Variants in CDK7 observed in about 807,000 individuals in gnomAD.
The protein encoded by CDK7 is cyclin dependent kinase 7, also known as cyclin-dependent kinase 7.
Under a neutral mutation model 49.1 loss-of-function variants are expected in CDK7, and 25 were observed. The observed-to-expected ratio is 0.51, with a 90% confidence interval of 0.37 to 0.71. The LOEUF (loss-of-function observed/expected upper bound fraction) is 0.71. CDK7 is among the 30% of genes least tolerant of loss of function. The pLI, the probability that CDK7 is intolerant of heterozygous loss-of-function variation, is 0.00. For synonymous variants in CDK7, 107 were observed against 140.0 expected (o/e 0.76, Z 1.67); for missense variants, 316 against 411.7 (o/e 0.77, Z 2.01).
intron 10 of CDK7, among the ~76,000 whole-genome samples, chr5:69,275,121 A>G (rs1441843070): frequency 6.6e-6 from 1 of 151,986 alleles, no homozygotes; most frequent in Admixed American, 6.6e-5. Flanking sequence ...GGATATAATT[A>G]TTTTTATCAG....
At chr5:69,240,475 T>C (rs755594542) in intron 2 of CDK7, among the ~76,000 whole-genome samples, 3 of 152,194 alleles carry the variant, frequency 2.0e-5, no homozygotes, top group Non-Finnish European at 2.9e-5. Flanking sequence ...TTTTAAAATA[T>C]TTTAGGCAAC....
chr5:69,272,992 T>C lies in CDK7; in HGVS notation c.815T>C (p.Ile272Thr), dbSNP rs1417648527. The change falls in exon 10 of 12, where the codon ATA becomes ACA. Residue 272 changes from isoleucine to threonine, a missense_variant. Transcript: ENST00000256443. ...GCAGGAGACGACTTACTAGATCTCA[T>C]ACAAGGCTTATTCTTATTTAATCCA... The part of the protein sequence containing the change: ...SAAGDDLLDL[I>T]QGLFLFNPCA... 1.3e-6 allele frequency: 2 copies of C among 1,596,562 alleles called. No homozygotes were observed. The highest frequency in any genetic ancestry group is 1.4e-5 in the African/African-American group (1 of 73,846).
intron 3 of CDK7, among the ~76,000 whole-genome samples, chr5:69,254,257 CTCACGCCTGTAA>C (rs1750334904): frequency 6.6e-6 from 1 of 152,116 alleles, no homozygotes; most frequent in Non-Finnish European, 1.5e-5. Context: ...GGTGTGGTGG[CTCACGCCTGTAA>C]TCCCAGCACT....
chr5:69,260,427 A>G (rs1228139045), intron 7 of CDK7, among the ~76,000 whole-genome samples: 3 of 152,224 alleles, frequency 2.0e-5, no homozygotes, highest in Admixed American at 1.3e-4. Flanking sequence ...GAAAAAATAC[A>G]TAGCCCCTTT....
intron 6 of CDK7, among the ~76,000 whole-genome samples, chr5:69,259,075 CAAA>C (rs1281310184): frequency 1.8e-5 from 2 of 113,314 alleles, no homozygotes; most frequent in Non-Finnish European, 3.8e-5. Context: ...AACCCTGTCT[CAAA>C]AAAAAAAAAA....
chr5:69,267,291 CCTTT>C (rs1751221241), intron 8 of CDK7, among the ~76,000 whole-genome samples: 2 of 115,462 alleles, frequency 1.7e-5, no homozygotes, highest in Admixed American at 1.1e-4. Flanking sequence ...TATAAGGATT[CCTTT>C]TTTTTTTTTT....
intron 10 of CDK7, among the ~76,000 whole-genome samples, chr5:69,274,766 C>A (rs1214735917): frequency 6.6e-6 from 1 of 152,106 alleles, no homozygotes; most frequent in Non-Finnish European, 1.5e-5. Flanking sequence ...CAGGTGCACA[C>A]CACCATGCCT....
intron 8 of CDK7, among the ~76,000 whole-genome samples, chr5:69,264,966 C>T (rs1580327596): frequency 2.8e-5 from 4 of 142,828 alleles, no homozygotes; most frequent in Admixed American, 1.4e-4. Context: ...TGTGAAATTC[C>T]GTCTAAAAAA....
intron 2 of CDK7, among the ~76,000 whole-genome samples, chr5:69,249,174 G>C (rs1367681945): frequency 6.7e-6 from 1 of 149,066 alleles, no homozygotes; most frequent in African/African-American, 2.5e-5. Context: ...TTTTTCTTTT[G>C]TCTCCTCTGT....
intron 8 of CDK7, 59 bp from the exon 9 acceptor site, chr5:69,269,148 A>C: frequency 3.5e-6 from 4 of 1,129,042 alleles, no homozygotes; most frequent in Non-Finnish European, 5.1e-6. Flanking sequence ...CTCTAAAAAA[A>C]GAAAAAAATT....
At chr5:69,277,035 A>C in intron 11 of CDK7, 72 bp from the exon 12 acceptor site, 2 of 1,333,924 alleles carry the variant, frequency 1.5e-6, no homozygotes, top group Non-Finnish European at 2.1e-6. Flanking sequence ...TGACTGGTTA[A>C]AATTGCTATG....
intron 9 of CDK7, 37 bp downstream of exon 9, chr5:69,269,330 G>A: frequency 6.9e-7 from 1 of 1,446,346 alleles, no homozygotes; most frequent in Non-Finnish European, 9.6e-7. Flanking sequence ...ATGTAATTAG[G>A]ACTCTGTAAA....
upstream of CDK7, chr5:69,234,801 C>G: frequency 4.7e-6 from 3 of 640,608 alleles, no homozygotes; most frequent in South Asian, 3.9e-5. Flanking sequence ...GTGGGGAACG[C>G]CAACCGCCTG....
At chr5:69,248,802 C>CTT (rs70992911) in intron 2 of CDK7, among the ~76,000 whole-genome samples, 22,660 of 92,204 alleles carry the variant, frequency 0.25, 3,413 homozygotes, top group South Asian at 0.33. Context: ...TTTTTTTTTT[C>CTT]TTTTTTTTTT....
chr5:69,238,898 A>G (rs1380324364), intron 2 of CDK7, among the ~76,000 whole-genome samples: 1 of 151,862 alleles, frequency 6.6e-6, no homozygotes, highest in Non-Finnish European at 1.5e-5. Context: ...TATTTCCGAA[A>G]TCCTCTATAT....
At chr5:69,271,072 T>C (rs1462643133) in intron 9 of CDK7, among the ~76,000 whole-genome samples, 1 of 152,258 alleles carries the variant, frequency 6.6e-6, no homozygotes, top group Non-Finnish European at 1.5e-5. Flanking sequence ...CTATACTGTT[T>C]TACATTCTCA....
At chr5:69,263,176 T>C (rs1750944168) in intron 8 of CDK7, among the ~76,000 whole-genome samples, 1 of 152,176 alleles carries the variant, frequency 6.6e-6, no homozygotes, top group African/African-American at 2.4e-5. Context: ...TCTTTAGCTA[T>C]GAAGTTTAGA....
intron 2 of CDK7, among the ~76,000 whole-genome samples, chr5:69,244,678 A>G (rs948906840): frequency 2.2e-4 from 33 of 151,850 alleles, no homozygotes; most frequent in African/African-American, 8.0e-4. Context: ...TCTACAAACA[A>G]GAAGAATTTC....
At chr5:69,268,736 C>G (rs1430482846) in intron 8 of CDK7, among the ~76,000 whole-genome samples, 3 of 151,284 alleles carry the variant, frequency 2.0e-5, no homozygotes, top group African/African-American at 7.3e-5. Context: ...GCCTGTAGTC[C>G]CAGCTACTCT....
Sources: allele counts gnomAD v4.1 joint callset (sites outside exome capture counted in the v4.1 genomes callset), GRCh38; gene constraint gnomAD v4.1.1; transcripts MANE v1.5; gene names NCBI Gene and HGNC (gene_info 2026-07-23, HGNC 2026-07-21).